The following ATP2B2 variants were observed in gnomAD, a reference collection of about 807,000 sequenced individuals.
The protein encoded by ATP2B2 is ATPase plasma membrane Ca2+ transporting 2.
A neutral mutation model predicts 120.0 loss-of-function variants in ATP2B2; 15 were observed. The observed-to-expected ratio is 0.12, with a 90% CI of 0.08 to 0.19. ATP2B2 has a LOEUF of 0.19. ATP2B2 is among the 10% of genes least tolerant of loss of function. The probability of loss-of-function intolerance (pLI) is 1.00; values close to 1 mark genes in which losing one functional copy is unlikely to be tolerated. For missense variants in ATP2B2, 1,045 were observed against 1,719.8 expected, an observed-to-expected ratio of 0.61 and a Z score of 6.94; for synonymous variants, 694 against 700.3, an observed-to-expected ratio of 0.99 and a Z score of 0.14.
At chr3:10,489,328 T>C (rs2065848250) in intron 1 of ATP2B2, among the ~76,000 whole-genome samples, 1 of 152,212 alleles carries the variant, frequency 6.6e-6, no homozygotes, top group African/African-American at 2.4e-5. Context: ...AACAGATCTG[T>C]TGTGTTCAGT....
chr3:10,426,615 A>T (rs1007314999), intron 2 of ATP2B2, among the ~76,000 whole-genome samples: 1 of 152,234 alleles, frequency 6.6e-6, no homozygotes, highest in South Asian at 2.1e-4. Context: ...GGGGAAATGC[A>T]ATCTCCAGCC....
At chr3:10,631,472 AGAG>A (rs2069863894) in intron 1 of ATP2B2, among the ~76,000 whole-genome samples, 1 of 152,240 alleles carries the variant, frequency 6.6e-6, no homozygotes, top group African/African-American at 2.4e-5. Context: ...GGCAAGTGGC[AGAG>A]CAAGGCCTCC....
At chr3:10,641,252 C>G (rs540145881) in intron 1 of ATP2B2, among the ~76,000 whole-genome samples, 1 of 152,130 alleles carries the variant, frequency 6.6e-6, no homozygotes, top group Non-Finnish European at 1.5e-5. Context: ...AAAACTAATC[C>G]CACCTGGAAC....
At chr3:10,619,556 TTC>T (rs1276369635) in intron 2 of ATP2B2, among the ~76,000 whole-genome samples, 1 of 152,132 alleles carries the variant, frequency 6.6e-6, no homozygotes, top group Non-Finnish European at 1.5e-5. Flanking sequence ...CCAAGTGCAC[TTC>T]TCTTTTGGTG....
intron 12 of ATP2B2, among the ~76,000 whole-genome samples, chr3:10,367,705 C>T (rs1404338502): frequency 6.6e-6 from 1 of 152,176 alleles, no homozygotes; most frequent in Non-Finnish European, 1.5e-5. Flanking sequence ...GGTTCCAATC[C>T]TGGCTTGGCC....
intron 10 of ATP2B2, among the ~76,000 whole-genome samples, chr3:10,377,534 C>A (rs2125530458): frequency 6.6e-6 from 1 of 152,372 alleles, no homozygotes; most frequent in South Asian, 2.1e-4. Flanking sequence ...CTAGGCCGTG[C>A]CAGAGGGTCG....
intron 22 of ATP2B2, among the ~76,000 whole-genome samples, chr3:10,337,281 C>T (rs2060144134): frequency 6.6e-6 from 1 of 152,156 alleles, no homozygotes; most frequent in Non-Finnish European, 1.5e-5. Context: ...AGGTGCTGGG[C>T]CACAGCTGGC....
chr3:10,632,365 C>G (rs2069890223), intron 1 of ATP2B2, among the ~76,000 whole-genome samples: 1 of 152,194 alleles, frequency 6.6e-6, no homozygotes, highest in Non-Finnish European at 1.5e-5. Flanking sequence ...CAGCATGGCC[C>G]TGGAGACATT....
In ATP2B2 at chr3:10,377,223, C is replaced by T. The variant is rs112648695; in HGVS notation, c.1201+1029G>A. On this transcript the variant is annotated intron_variant, in intron 10 of 22. Coordinates refer to ENST00000360273, the MANE Select transcript of ATP2B2 (RefSeq NM_001001331.4). ...CTTCTGCCTGTGGCGGTGGCGATGG[C>T]GGTATAGAGGATAGAGGAAATCCCT... Among the ~76,000 whole-genome samples, 235 of 152,168 alleles carry T rather than the reference C, an allele frequency of 1.5e-3. 1 individual carries two copies. Among genetic ancestry groups the T allele is most frequent in the African/African-American group, 2.6e-3 (106 of 41,504 alleles).
upstream of ATP2B2, among the ~76,000 whole-genome samples, chr3:10,506,938 G>A (rs987110487): frequency 1.3e-5 from 2 of 152,220 alleles, no homozygotes; most frequent in African/African-American, 2.4e-5. Context: ...ATCAGAACCC[G>A]GCCGTGCAGA....
chr3:10,377,033 A>G (rs941325098), intron 10 of ATP2B2, among the ~76,000 whole-genome samples: 2 of 152,190 alleles, frequency 1.3e-5, no homozygotes, highest in African/African-American at 4.8e-5. Context: ...GAATTCAGCC[A>G]AAGAGAGAGG....
intron 10 of ATP2B2, among the ~76,000 whole-genome samples, chr3:10,376,170 G>A (rs1210729030): frequency 6.6e-6 from 1 of 152,172 alleles, no homozygotes; most frequent in Non-Finnish European, 1.5e-5. Flanking sequence ...TGCCCTTGAG[G>A]AGCAGACATT....
chr3:10,449,600 G>A lies in ATP2B2; in HGVS notation c.-57C>T. ...AAGGGTCAGCGCTGGACAAGAGGCT[G>A]CCGGGTGATGGCTGCTTGTGGCTGT... On this transcript the variant is annotated 5_prime_UTR_variant, in exon 2 of 23. Coordinates refer to ENST00000360273, the MANE Select transcript of ATP2B2 (RefSeq NM_001001331.4). 6.2e-7 allele frequency: 1 copy of A among 1,600,100 alleles called. No individual in the cohort carries two copies. Among genetic ancestry groups the A allele is most frequent in the Non-Finnish European group, 8.6e-7 (1 of 1,167,896 alleles).
chr3:10,342,495 G>C lies in ATP2B2; in HGVS notation c.2917+257C>G, dbSNP rs1462907730. Among the ~76,000 whole-genome samples, 1 of 152,230 alleles carries C rather than the reference G, an allele frequency of 6.6e-6. No homozygotes were observed. Among genetic ancestry groups the C allele is most frequent in the Non-Finnish European group, 1.5e-5 (1 of 68,040 alleles). On this transcript the variant is annotated intron_variant, in intron 19 of 22. Coordinates refer to ENST00000360273, the MANE Select transcript of ATP2B2 (RefSeq NM_001001331.4). The surrounding 1 kb of genome is among the most constrained non-coding windows in gnomAD (Gnocchi z 4.4). Reference sequence around the variant, plus strand: ...ACCCGGTCAGGGCCTTGCACGGTCTGTACTTGTTGCCAGGAGCTGTCACCA... The same window carrying C: ...ACCCGGTCAGGGCCTTGCACGGTCTCTACTTGTTGCCAGGAGCTGTCACCA...
chr3:10,607,334 A>G lies in ATP2B2; in HGVS notation c.-415+12583T>C, dbSNP rs557182052. On this transcript the variant is annotated intron_variant, in intron 2 of 21. Coordinates refer to the ATP2B2 transcript ENST00000646379. ...GTACTTCCAACCAGGAATCCCCCAC[A>G]AAGCTGGGCACTCCCAGACCTCCAG... Among the ~76,000 whole-genome samples, 60 of 152,308 alleles carry G rather than the reference A, an allele frequency of 3.9e-4. No homozygotes were observed. The East Asian group carries it at 8.3e-3, about 21-fold the overall frequency.
upstream of ATP2B2, among the ~76,000 whole-genome samples, chr3:10,508,519 G>C (rs1276056035): frequency 2.6e-5 from 4 of 152,206 alleles, no homozygotes; most frequent in Non-Finnish European, 5.9e-5. Context: ...CTGGACCCTT[G>C]AGAACTCCTA....
intron 1 of ATP2B2, among the ~76,000 whole-genome samples, chr3:10,703,163 C>T (rs2071844559): frequency 6.6e-6 from 1 of 152,206 alleles, no homozygotes; most frequent in African/African-American, 2.4e-5. Context: ...AGCCTTTGCC[C>T]GCCCCTTTCC....
intron 1 of ATP2B2, among the ~76,000 whole-genome samples, chr3:10,624,764 G>A (rs1177172500): frequency 6.6e-6 from 1 of 152,258 alleles, no homozygotes; most frequent in Non-Finnish European, 1.5e-5. Flanking sequence ...ACCCATATAA[G>A]AGGTTGTAAC....
chr3:10,333,928 G>A (rs1317086389), intron 22 of ATP2B2, among the ~76,000 whole-genome samples: 1 of 152,226 alleles, frequency 6.6e-6, no homozygotes, highest in East Asian at 1.9e-4. Flanking sequence ...GGCCTCGAAG[G>A]AGGTCAGTGT....
Sources: gnomAD v4.1 joint callset for allele counts (sites outside exome capture counted in the v4.1 genomes callset) on GRCh38, gnomAD v4.1.1 for gene constraint, Gnocchi (gnomAD v3.1) non-coding constraint, MANE v1.5 for transcripts, NCBI Gene and HGNC (gene_info 2026-07-23, HGNC 2026-07-21) for gene names.